Variants in PELI2 observed in about 807,000 individuals in gnomAD.
PELI2 encodes pellino E3 ubiquitin protein ligase family member 2.
Under a neutral mutation model 42.3 loss-of-function variants are expected in PELI2, and 23 were observed. That is an observed-to-expected ratio of 0.54 (90% CI 0.39 to 0.77). The LOEUF is 0.77. PELI2 is among the 30% of genes least tolerant of loss of function. PELI2 has a pLI of 0.00. For synonymous variants in PELI2, 245 were observed against 212.2 expected (o/e 1.15, Z -1.34); for missense variants, 463 against 553.2 (o/e 0.84, Z 1.64).
chr14:56,270,478 T>G (rs907258645), intron 2 of PELI2, among the ~76,000 whole-genome samples: 1 of 152,202 alleles, frequency 6.6e-6, no homozygotes, highest in Non-Finnish European at 1.5e-5. Flanking sequence ...CCAGACTGAT[T>G]GAGGATTTAT....
At chr14:56,205,390 A>G (rs1027239162) in intron 2 of PELI2, among the ~76,000 whole-genome samples, 1 of 152,134 alleles carries the variant, frequency 6.6e-6, no homozygotes, top group Admixed American at 6.5e-5. Context: ...AAGTGAGCCT[A>G]TGGGGTCATG....
At position 56,219,920 on chromosome 14, in the gene PELI2, A is replaced by G. The variant is rs1248944195; in HGVS notation, c.207+41456A>G. ...TCCTTAAAACAGCTCAGGATTGAAA[A>G]AACTCTTGTGCAGAACAGTTAATTG... is the stretch of plus-strand genomic sequence containing the variant. On this transcript the variant is annotated intron_variant, in intron 2 of 5. Coordinates refer to ENST00000267460, the MANE Select transcript of PELI2 (RefSeq NM_021255.3). This position sits in a 1 kb window ranked among gnomAD's most constrained non-coding sequence, Gnocchi z 4.1. Among the ~76,000 whole-genome samples the G allele has an allele frequency of 6.6e-6, 1 of 152,138 alleles. No individual in the cohort carries two copies. The highest frequency in any genetic ancestry group is 1.5e-5 in the Non-Finnish European group (1 of 68,020).
At chr14:56,182,244 G>T (rs1207236814) in intron 2 of PELI2, among the ~76,000 whole-genome samples, 2 of 152,230 alleles carry the variant, frequency 1.3e-5, no homozygotes, top group Non-Finnish European at 2.9e-5. Context: ...CAGGGGTCTT[G>T]TGGGTCTGGC....
chr14:56,141,105 C>A (rs1300611750), intron 1 of PELI2, among the ~76,000 whole-genome samples: 1 of 152,190 alleles, frequency 6.6e-6, no homozygotes, highest in Non-Finnish European at 1.5e-5. Context: ...GGAGGGATGG[C>A]TGTTCATAGT....
At chr14:56,162,047 A>G (rs1884783959) in intron 1 of PELI2, among the ~76,000 whole-genome samples, 1 of 152,196 alleles carries the variant, frequency 6.6e-6, no homozygotes, top group Admixed American at 6.5e-5. Context: ...GTTTTGATAC[A>G]GGCATGCAAT....
intron 1 of PELI2, among the ~76,000 whole-genome samples, chr14:56,125,718 C>T (rs961009390): frequency 1.3e-5 from 2 of 152,112 alleles, no homozygotes; most frequent in Admixed American, 6.5e-5. Context: ...TGGACAAAAA[C>T]GTGGTTCTGC....
intron 1 of PELI2, among the ~76,000 whole-genome samples, chr14:56,165,724 A>G (rs995743382): frequency 6.6e-6 from 1 of 152,076 alleles, no homozygotes; most frequent in African/African-American, 2.4e-5. Flanking sequence ...TTATCTGTCT[A>G]TCTAAAGGGG....
At position 56,219,993 on chromosome 14, in the gene PELI2, G is replaced by A. The variant is rs1887061350; in HGVS notation, c.207+41529G>A. 6.6e-6 allele frequency among the ~76,000 whole-genome samples: 1 copy of A among 152,158 alleles called. No individual in the cohort carries two copies. The highest frequency in any genetic ancestry group is 1.5e-5 in the Non-Finnish European group (1 of 68,026). On this transcript the variant is annotated intron_variant, in intron 2 of 5. Coordinates refer to ENST00000267460, the MANE Select transcript of PELI2 (RefSeq NM_021255.3). This position sits in a 1 kb window ranked among gnomAD's most constrained non-coding sequence, Gnocchi z 4.1. Reference sequence around the variant, plus strand: ...GTTGCTTTATTAATGCTTGCCCTGGGAATCATATCATAAACAGTTTAGGTA... The same window carrying A: ...GTTGCTTTATTAATGCTTGCCCTGGAAATCATATCATAAACAGTTTAGGTA...
chr14:56,146,472 C>T (rs1566605479), intron 1 of PELI2, among the ~76,000 whole-genome samples: 1 of 152,138 alleles, frequency 6.6e-6, no homozygotes, highest in Non-Finnish European at 1.5e-5. Flanking sequence ...ATGATGTGCT[C>T]ATTACTGTAC....
At chr14:56,202,126 TA>T (rs1886351599) in intron 2 of PELI2, among the ~76,000 whole-genome samples, 1 of 152,196 alleles carries the variant, frequency 6.6e-6, no homozygotes, top group East Asian at 1.9e-4. Context: ...TTAACCAACT[TA>T]AAATTATCCA....
intron 1 of PELI2, among the ~76,000 whole-genome samples, chr14:56,120,436 C>T (rs1404963404): frequency 6.6e-6 from 1 of 152,156 alleles, no homozygotes; most frequent in East Asian, 1.9e-4. Flanking sequence ...CAGGGCATTC[C>T]GAAGCCACGG....
rs1594644520 is a variant in PELI2, at chr14:56,212,963, G to A, written c.207+34499G>A. Among the ~76,000 whole-genome samples the A allele has an allele frequency of 2.6e-5, 4 of 152,326 alleles. 1 individual carries two copies. Among genetic ancestry groups the A allele is most frequent in the African/African-American group, 9.6e-5 (4 of 41,570 alleles). On this transcript the variant is annotated intron_variant, in intron 2 of 5. Coordinates refer to ENST00000267460, the MANE Select transcript of PELI2 (RefSeq NM_021255.3). ...GCTGTAGAGTGGGGTCACGAGGAGG[G>A]TCTTAGTCCACACGTGCAGTTCGTG...
intron 2 of PELI2, among the ~76,000 whole-genome samples, chr14:56,202,505 G>A (rs556903576): frequency 6.6e-6 from 1 of 150,388 alleles, no homozygotes; most frequent in Non-Finnish European, 1.5e-5. Flanking sequence ...CTACACTTGA[G>A]CCTGCTCTCC....
chr14:56,296,659 T>A lies in PELI2; in HGVS notation c.756T>A (p.Thr252=). 1 of 1,614,114 alleles carries A rather than the reference T, an allele frequency of 6.2e-7. No homozygotes were observed. Among genetic ancestry groups the A allele is most frequent in the Non-Finnish European group, 8.5e-7 (1 of 1,179,968 alleles). The part of the protein sequence containing the change: ...DGSLIDLCGA[T]LLWRTADGLF... ...CCCTCATTGACCTGTGTGGGGCCACTCTCCTCTGGAGAACAGCAGATGGGC... is the reference window on the plus strand; with the variant it reads ...CCCTCATTGACCTGTGTGGGGCCACACTCCTCTGGAGAACAGCAGATGGGC... The change falls in exon 6 of 6, where the codon ACT becomes ACA. Residue 252 remains threonine (T), a synonymous_variant. Transcript: ENST00000267460.
chr14:56,136,033 A>G (rs1184514602), intron 1 of PELI2, among the ~76,000 whole-genome samples: 1 of 152,356 alleles, frequency 6.6e-6, no homozygotes, highest in Non-Finnish European at 1.5e-5. Context: ...ATAACACTGT[A>G]AATTTAAAAG....
At chr14:56,205,125 C>T (rs1367980150) in intron 2 of PELI2, among the ~76,000 whole-genome samples, 4 of 152,080 alleles carry the variant, frequency 2.6e-5, no homozygotes. Flanking sequence ...ACTGAGAAGC[C>T]TGCTAGCTTT....
In PELI2 at chr14:56,286,743, T is replaced by G. The variant is rs145530710; in HGVS notation, c.310-1694T>G. Among the ~76,000 whole-genome samples the G allele has an allele frequency of 1.4e-3, 211 of 152,212 alleles. 2 individuals carry two copies. In the East Asian group the frequency reaches 0.034, roughly 25 times the overall value. On this transcript the variant is annotated intron_variant, in intron 3 of 5. Transcript: ENST00000267460. ...GACTTAGTTTTGTTTTTTTGTTGTTTTTTTTGTTGTTGTTGTTGTTTTGTT... is the reference window on the plus strand; with the variant it reads ...GACTTAGTTTTGTTTTTTTGTTGTTGTTTTTGTTGTTGTTGTTGTTTTGTT...
chr14:56,181,667 G>A (rs973864677), intron 2 of PELI2, among the ~76,000 whole-genome samples: 4 of 152,076 alleles, frequency 2.6e-5, no homozygotes, highest in Non-Finnish European at 5.9e-5. Context: ...GCTGGTGGTC[G>A]TGGCAGCTGG....
chr14:56,231,102 A>G (rs1317836958), intron 2 of PELI2, among the ~76,000 whole-genome samples: 1 of 152,230 alleles, frequency 6.6e-6, no homozygotes, highest in East Asian at 1.9e-4. Flanking sequence ...CCAGATTCAT[A>G]AAGCAAGTCT....
Sources: allele counts gnomAD v4.1 joint callset (sites outside exome capture counted in the v4.1 genomes callset), GRCh38; gene constraint gnomAD v4.1.1; non-coding constraint Gnocchi (gnomAD v3.1); transcripts MANE v1.5; gene names NCBI Gene and HGNC (gene_info 2026-07-23, HGNC 2026-07-21).